The following HDGFL2 variants were observed in gnomAD, a reference collection of about 807,000 sequenced individuals.
The protein encoded by HDGFL2 is hepatoma-derived growth factor-related protein 2.
In HDGFL2, 36 loss-of-function variants were observed where a neutral mutation model predicts 77.1. That is an observed-to-expected ratio of 0.47 (90% CI 0.36 to 0.62). The LOEUF (loss-of-function observed/expected upper bound fraction) is 0.62. HDGFL2 is among the 20% of genes least tolerant of loss of function. The pLI, the probability that HDGFL2 is intolerant of heterozygous loss-of-function variation, is 0.00. For missense variants in HDGFL2, 976 were observed against 973.4 expected (o/e 1.00, Z -0.04); for synonymous variants, 463 against 413.1 (o/e 1.12, Z -1.46).
intron 3 of HDGFL2, among the ~76,000 whole-genome samples, chr19:4,476,687 A>G (rs1451469020): frequency 1.3e-5 from 2 of 151,030 alleles, no homozygotes; most frequent in East Asian, 1.9e-4. Flanking sequence ...ATCAGATGAC[A>G]TCTCATTGGC....
At chr19:4,491,739 A>G (rs754730239) in intron 5 of HDGFL2, 25 bp from the exon 6 acceptor site, 10 of 1,613,702 alleles carry the variant, frequency 6.2e-6, no homozygotes, top group Non-Finnish European at 7.6e-6. Context: ...AGTGGGCCCC[A>G]GTTCAGCTCA....
chr19:4,499,580 C>T lies in HDGFL2; in HGVS notation c.1665C>T (p.Ile555=), dbSNP rs762686075. 31 of 1,612,320 alleles carry T rather than the reference C, an allele frequency of 1.9e-5. No homozygotes were observed. Among genetic ancestry groups the T allele is most frequent in the Admixed American group, 3.3e-5 (2 of 59,718 alleles). Residue 555 remains isoleucine (I), a synonymous_variant, in exon 14 of 16, where the codon ATC becomes ATT. Transcript: ENST00000616600. ...AGTCGCGGGTCCTCGGCCCAAAGAT[C>T]GAGGCGGTGCAGAAAGTGAACAAGG... ...RLKSRVLGPK[I]EAVQKVNKAG...
At chr19:4,483,074 C>T (rs945367965) in intron 3 of HDGFL2, among the ~76,000 whole-genome samples, 5 of 152,320 alleles carry the variant, frequency 3.3e-5, no homozygotes, top group African/African-American at 1.2e-4. Flanking sequence ...GAGGCGTGAT[C>T]GAGATTGGCC....
chr19:4,488,567 C>T, intron 3 of HDGFL2, 109 bp from the exon 4 acceptor site: 1 of 992,492 alleles, frequency 1.0e-6, no homozygotes, highest in South Asian at 1.6e-5. Context: ...GACAACACGC[C>T]TGACATTCAG....
intron 3 of HDGFL2, 99 bp from the exon 4 acceptor site, chr19:4,488,577 G>C: frequency 9.2e-7 from 1 of 1,083,072 alleles, no homozygotes; most frequent in Non-Finnish European, 1.3e-6. Context: ...CTGACATTCA[G>C]GATCCCGCAT....
intron 4 of HDGFL2, among the ~76,000 whole-genome samples, chr19:4,490,270 A>C (rs1272658612): frequency 2.0e-5 from 3 of 152,142 alleles, no homozygotes; most frequent in Admixed American, 6.5e-5. Flanking sequence ...TGTTTTTGGT[A>C]GAGACGGGGT....
chr19:4,496,295 G>T lies in HDGFL2; in HGVS notation c.1225-7G>T. Reference sequence around the variant, plus strand: ...CTGCTCCAGCGCGCCCTTCCTGACTGCTATAGGCCAAGAAATCAGCGAAGA... The same window carrying T: ...CTGCTCCAGCGCGCCCTTCCTGACTTCTATAGGCCAAGAAATCAGCGAAGA... On this transcript the variant is annotated splice_polypyrimidine_tract_variant and splice_region_variant and intron_variant, in intron 9 of 15. Transcript: ENST00000616600. 6.2e-7 allele frequency: 1 copy of T among 1,613,694 alleles called. No individual in the cohort carries two copies. Among genetic ancestry groups the T allele is most frequent in the Non-Finnish European group, 8.5e-7 (1 of 1,179,610 alleles).
chr19:4,473,437 G>A (rs1029328649), intron 1 of HDGFL2, among the ~76,000 whole-genome samples: 2 of 151,878 alleles, frequency 1.3e-5, no homozygotes, highest in African/African-American at 4.8e-5. Flanking sequence ...GGGACCTGAG[G>A]GACCCTCACC....
At chr19:4,483,208 G>A (rs997588787) in intron 3 of HDGFL2, among the ~76,000 whole-genome samples, 7 of 152,232 alleles carry the variant, frequency 4.6e-5, no homozygotes, top group Non-Finnish European at 1.0e-4. Flanking sequence ...AGACACAAGG[G>A]AGACAAAACG....
intron 3 of HDGFL2, among the ~76,000 whole-genome samples, chr19:4,482,355 G>A (rs961784514): frequency 6.6e-6 from 1 of 151,930 alleles, no homozygotes; most frequent in African/African-American, 2.4e-5. Flanking sequence ...GACTACAGGC[G>A]CACATCACCA....
In HDGFL2 at chr19:4,494,160, C is replaced by T; in HGVS notation, c.915-6C>T. On this transcript the variant is annotated splice_polypyrimidine_tract_variant and splice_region_variant and intron_variant, in intron 8 of 15. Coordinates refer to ENST00000616600, the MANE Select transcript of HDGFL2 (RefSeq NM_001001520.3). The stretch of plus-strand genomic sequence containing the variant: ...GGAGGTCCCCAACCGCCCCCTCCGC[C>T]TCCAGTGACAGCGACGAGGTGGACC... 6.7e-7 allele frequency: 1 copy of T among 1,493,034 alleles called. No individual in the cohort carries two copies. The highest frequency in any genetic ancestry group is 8.9e-7 in the Non-Finnish European group (1 of 1,123,804). The allele number at this position is 1,493,034 out of a possible 1,614,324, so 92.5% of individuals were successfully genotyped here.
chr19:4,500,046 TG>T (rs59107768), intron 14 of HDGFL2, among the ~76,000 whole-genome samples: 150,382 of 152,164 alleles, frequency 0.99, 74,322 homozygotes, highest in Non-Finnish European at 0.99. Context: ...GGGCAAAGAG[TG>T]GGGGCATTGT....
intron 3 of HDGFL2, among the ~76,000 whole-genome samples, chr19:4,488,144 T>C (rs1166779329): frequency 6.6e-6 from 1 of 152,104 alleles, no homozygotes; most frequent in East Asian, 1.9e-4. Flanking sequence ...CTAATTTTTG[T>C]ATTTTTAGTA....
rs768457519 is a variant in HDGFL2 at position 4,472,306 on chromosome 19, C to G, written c.-45C>G. On this transcript the variant is annotated 5_prime_UTR_variant, in exon 1 of 16. Transcript: ENST00000616600. ...CCGCCGCCGCCGCCGCAGCCGCTACCGCCGCTGCAGCCGCTTTCCGCGGCC... is the reference window on the plus strand; with the variant it reads ...CCGCCGCCGCCGCCGCAGCCGCTACGGCCGCTGCAGCCGCTTTCCGCGGCC... The G allele has an allele frequency of 2.1e-6, 3 of 1,405,306 alleles. No homozygotes were observed. The Admixed American group carries it at 8.8e-5, about 41-fold the overall frequency. The allele number at this position is 1,405,306 out of a possible 1,614,324, so 87.1% of individuals were successfully genotyped here.
intron 3 of HDGFL2, among the ~76,000 whole-genome samples, chr19:4,478,583 G>A (rs1024128605): frequency 1.3e-5 from 2 of 151,940 alleles, no homozygotes; most frequent in Non-Finnish European, 1.5e-5. Flanking sequence ...ATCCCCTTGC[G>A]AAGCCAGTAG....
chr19:4,484,758 G>A (rs528240889), intron 3 of HDGFL2, among the ~76,000 whole-genome samples: 2 of 134,710 alleles, frequency 1.5e-5, no homozygotes, highest in South Asian at 2.5e-4. Flanking sequence ...TGCAAACTCC[G>A]CCTCCTGGGT....
intron 10 of HDGFL2, chr19:4,497,384 A>G (rs1031822977): frequency 2.1e-5 from 7 of 326,908 alleles, no homozygotes; most frequent in African/African-American, 1.6e-4. Flanking sequence ...TTTTTAGTAG[A>G]GACGGGGCTT....
chr19:4,501,676 G>T, intron 15 of HDGFL2: 1 of 500,414 alleles, frequency 2.0e-6, no homozygotes, highest in Non-Finnish European at 3.5e-6. Context: ...AAGGCTCAGT[G>T]GAGTCACTCA....
chr19:4,485,748 A>G lies in HDGFL2; in HGVS notation c.289-2928A>G, dbSNP rs1462854364. 6.6e-5 allele frequency among the ~76,000 whole-genome samples: 10 copies of G among 150,512 alleles called. No homozygotes were observed. The East Asian group carries it at 2.0e-3, about 30-fold the overall frequency. On this transcript the variant is annotated intron_variant, in intron 3 of 15. Transcript: ENST00000616600. ...CAGAGCGAGACTCCGTCTCAAAAAA[A>G]AAAAAAATCTCAATCTCGTGGGGTG...
Sources: allele counts gnomAD v4.1 joint callset (sites outside exome capture counted in the v4.1 genomes callset), GRCh38; gene constraint gnomAD v4.1.1; transcripts MANE v1.5; gene names NCBI Gene and HGNC (gene_info 2026-07-23, HGNC 2026-07-21).